MBD5: variants seen among roughly 807,000 people sequenced by gnomAD.
The protein encoded by MBD5 is methyl-CpG-binding domain protein 5.
Under a neutral mutation model 117.3 loss-of-function variants are expected in MBD5, and 13 were observed. That is an observed-to-expected ratio of 0.11 (90% confidence interval 0.07 to 0.18). The LOEUF is 0.18. Ranked by LOEUF, MBD5 falls within the 10% of genes least tolerant of loss-of-function variation. The pLI, the probability that MBD5 is intolerant of heterozygous loss-of-function variation, is 1.00. For missense variants in MBD5, 1,879 were observed against 2,093.8 expected, an observed-to-expected ratio of 0.90 and a Z score of 2.00; for synonymous variants, 727 against 766.4, an observed-to-expected ratio of 0.95 and a Z score of 0.85.
At chr2:148,200,319 T>C (rs1699103575) in intron 2 of MBD5, among the ~76,000 whole-genome samples, 1 of 152,212 alleles carries the variant, frequency 6.6e-6, no homozygotes, top group Admixed American at 6.5e-5. Context: ...AAAGAGTTTG[T>C]AGATATACAA....
intron 4 of MBD5, among the ~76,000 whole-genome samples, chr2:148,374,422 G>A (rs1247639691): frequency 2.6e-5 from 4 of 152,026 alleles, no homozygotes; most frequent in South Asian, 2.1e-4. Context: ...AACAATATGC[G>A]ACTTCCTTTT....
chr2:148,470,504 T>C, intron 8 of MBD5, 43 bp downstream of exon 8: 2 of 1,480,456 alleles, frequency 1.4e-6, no homozygotes, highest in African/African-American at 2.8e-5. Context: ...TACTAAACTT[T>C]TCTACTTTTT....
At position 148,458,895 on chromosome 2, in the gene MBD5, G is replaced by T. The variant is rs1204794642; in HGVS notation, c.113+24G>T. 4 of 1,570,824 alleles carry T rather than the reference G, an allele frequency of 2.5e-6. No individual in the cohort carries two copies. The African/African-American group carries it at 5.4e-5, about 21-fold the overall frequency. On this transcript the variant is annotated intron_variant, in intron 5 of 13. Transcript: ENST00000642680. The stretch of plus-strand genomic sequence containing the variant: ...AGGTAAGTTCTTATTATTACCTGTG[G>T]TACCTGCAAAGTTGTACTCCAAAGA...
intron 7 of MBD5, among the ~76,000 whole-genome samples, chr2:148,464,355 C>G (rs1043856402): frequency 2.6e-5 from 4 of 152,112 alleles, no homozygotes. Context: ...CTTTTTATAT[C>G]TCCACCACCA....
At chr2:148,435,910 T>A (rs1270627450) in intron 4 of MBD5, among the ~76,000 whole-genome samples, 1 of 152,196 alleles carries the variant, frequency 6.6e-6, no homozygotes. Context: ...TTTGATTAAT[T>A]CAGTGATTTG....
chr2:148,419,638 C>T (rs1465503801), intron 4 of MBD5, among the ~76,000 whole-genome samples: 1 of 152,062 alleles, frequency 6.6e-6, no homozygotes, highest in East Asian at 1.9e-4. Flanking sequence ...CCTATTCCTG[C>T]ACCAATACTA....
At chr2:148,313,565 A>G (rs1307052200) in intron 3 of MBD5, among the ~76,000 whole-genome samples, 6 of 152,166 alleles carry the variant, frequency 3.9e-5, no homozygotes, top group Non-Finnish European at 8.8e-5. Flanking sequence ...AGTGGATCTT[A>G]ACTTACTGGG....
chr2:148,028,124 G>T (rs943317693), intron 1 of MBD5: 2 of 152,106 alleles, frequency 1.3e-5, no homozygotes, highest in African/African-American at 2.4e-5. Flanking sequence ...CACAAATTTT[G>T]ATTTGTATCC....
intron 3 of MBD5, among the ~76,000 whole-genome samples, chr2:148,280,385 T>C (rs1701221448): frequency 6.6e-6 from 1 of 152,184 alleles, no homozygotes; most frequent in Non-Finnish European, 1.5e-5. Flanking sequence ...AGTTACTTCT[T>C]ATGTCCCTTG....
At chr2:148,111,459 G>A (rs1340307918) in intron 1 of MBD5, among the ~76,000 whole-genome samples, 1 of 152,034 alleles carries the variant, frequency 6.6e-6, no homozygotes. Context: ...TGCTGTAGGT[G>A]AAAGGAGAAT....
intron 2 of MBD5, among the ~76,000 whole-genome samples, chr2:148,217,159 G>A (rs1457065146): frequency 7.9e-5 from 12 of 152,092 alleles, no homozygotes; most frequent in South Asian, 6.2e-4. Flanking sequence ...TCCATGTCAC[G>A]TCTTCTGTGA....
chr2:148,448,476 T>C (rs536854866), intron 4 of MBD5, among the ~76,000 whole-genome samples: 4 of 152,106 alleles, frequency 2.6e-5, no homozygotes, highest in South Asian at 4.2e-4. Flanking sequence ...TTTTCAAGGT[T>C]ACTAGGGTAC....
At chr2:148,389,250 ACATATATATAT>A (rs1704481872) in intron 4 of MBD5, among the ~76,000 whole-genome samples, 3 of 29,120 alleles carry the variant, frequency 1.0e-4, no homozygotes, top group African/African-American at 2.4e-4. Flanking sequence ...GGAAAAAAAA[ACATATATATAT>A]ATATATATAT....
rs1333905765 is a variant in MBD5, at chr2:148,469,979, C to T, written c.2036C>T (p.Ala679Val). Reference protein sequence around the residue: ...LLRQSQMDSSAVPKPGPDLLR... With the variant: ...LLRQSQMDSSVVPKPGPDLLR... ...AGACAGTCTCAAATGGATAGTTCTGCAGTTCCTAAACCTGGACCTGACTTG... is the reference window on the plus strand; with the variant it reads ...AGACAGTCTCAAATGGATAGTTCTGTAGTTCCTAAACCTGGACCTGACTTG... The change falls in exon 8 of 14, where the codon GCA becomes GTA. Residue 679 changes from alanine to valine, a missense_variant. By Grantham distance (64) the Ala-to-Val change is moderately conservative. Transcript: ENST00000642680. 1 of 1,613,922 alleles carries T rather than the reference C, an allele frequency of 6.2e-7. No homozygotes were observed. The highest frequency in any genetic ancestry group is 1.7e-5 in the Admixed American group (1 of 59,992).
At chr2:148,118,317 G>A (rs1251158984) in intron 1 of MBD5, among the ~76,000 whole-genome samples, 1 of 151,944 alleles carries the variant, frequency 6.6e-6, no homozygotes, top group African/African-American at 2.4e-5. Flanking sequence ...ATGTTATTAA[G>A]AATAACTATT....
chr2:148,434,193 C>G (rs976744156), intron 4 of MBD5, among the ~76,000 whole-genome samples: 1 of 151,348 alleles, frequency 6.6e-6, no homozygotes, highest in Non-Finnish European at 1.5e-5. Context: ...GCTGATGGTT[C>G]TTTTGTATTT....
intron 1 of MBD5, among the ~76,000 whole-genome samples, chr2:148,103,536 T>C (rs1461835547): frequency 6.6e-6 from 1 of 152,184 alleles, no homozygotes; most frequent in Non-Finnish European, 1.5e-5. Flanking sequence ...GATGTTGCGA[T>C]ACATGCTACA....
intron 1 of MBD5, among the ~76,000 whole-genome samples, chr2:148,130,505 G>A (rs1393668235): frequency 1.3e-5 from 2 of 151,468 alleles, no homozygotes; most frequent in Non-Finnish European, 2.9e-5. Context: ...TTTTCACCAA[G>A]TATGAAACAT....
chr2:148,326,377 T>G (rs1402589305), intron 3 of MBD5, among the ~76,000 whole-genome samples: 2 of 152,184 alleles, frequency 1.3e-5, no homozygotes, highest in Non-Finnish European at 2.9e-5. Flanking sequence ...CTGTGTTCAA[T>G]TCCTGGGTAT....
Sources: gnomAD v4.1 joint callset for allele counts (sites outside exome capture counted in the v4.1 genomes callset) on GRCh38, gnomAD v4.1.1 for gene constraint, MANE v1.5 for transcripts, NCBI Gene and HGNC (gene_info 2026-07-23, HGNC 2026-07-21) for gene names.